The following CTNNA3 variants were observed in gnomAD, a reference collection of about 807,000 sequenced individuals.
CTNNA3 encodes catenin alpha 3.
A neutral mutation model predicts 95.7 loss-of-function variants in CTNNA3; 76 were observed. The observed-to-expected ratio is 0.79, with a 90% confidence interval of 0.66 to 0.96. The LOEUF (loss-of-function observed/expected upper bound fraction) is 0.96, where lower values mean the gene tolerates loss of function less well. Among genes scored for constraint, CTNNA3 ranks in the 40% least tolerant of loss-of-function variants. The probability of loss-of-function intolerance (pLI) is 0.00; values close to 1 mark genes in which losing one functional copy is unlikely to be tolerated. For missense variants in CTNNA3, 1,191 were observed against 1,089.8 expected, an observed-to-expected ratio of 1.09 and a Z score of -1.31; for synonymous variants, 431 against 374.4, an observed-to-expected ratio of 1.15 and a Z score of -1.74.
intron 7 of CTNNA3, among the ~76,000 whole-genome samples, chr10:66,822,512 C>A (rs1376145033): frequency 6.6e-6 from 1 of 152,208 alleles, no homozygotes; most frequent in East Asian, 1.9e-4. Flanking sequence ...CACACCCATT[C>A]TCCTATACAT....
At chr10:66,840,360 TCTCTCTCTCTCTCACACACA>T (rs1458649799) in intron 7 of CTNNA3, among the ~76,000 whole-genome samples, 31 of 118,822 alleles carry the variant, frequency 2.6e-4, no homozygotes, top group African/African-American at 6.5e-4. Context: ...TCTCTCTCTC[TCTCTCTCTCTCTCACACACA>T]CACACACACA....
chr10:66,563,921 C>G (rs1842628120), intron 10 of CTNNA3, among the ~76,000 whole-genome samples: 1 of 152,020 alleles, frequency 6.6e-6, no homozygotes, highest in South Asian at 2.1e-4. Flanking sequence ...TTGAGTTATC[C>G]CGCTTTTCCA....
intron 11 of CTNNA3, among the ~76,000 whole-genome samples, chr10:66,465,128 A>G (rs2441727): frequency 0.21 from 32,256 of 152,024 alleles, 6,533 homozygotes; most frequent in East Asian, 0.84. Context: ...TGCCTGTTAG[A>G]AGCTAACAAA....
intron 2 of CTNNA3, among the ~76,000 whole-genome samples, chr10:67,632,126 C>CCCCACA: frequency 7.2e-6 from 1 of 139,066 alleles, no homozygotes; most frequent in East Asian, 2.2e-4. Context: ...AGTGTCTTAG[C>CCCCACA]CACACACACA....
intron 9 of CTNNA3, among the ~76,000 whole-genome samples, chr10:66,673,315 A>G (rs916378826): frequency 5.3e-5 from 8 of 152,248 alleles, no homozygotes; most frequent in South Asian, 2.1e-4. Flanking sequence ...TAGACATATT[A>G]CATACATTAA....
chr10:66,179,603 CTAAA>C (rs767254160), intron 13 of CTNNA3, among the ~76,000 whole-genome samples: 2 of 151,990 alleles, frequency 1.3e-5, no homozygotes, highest in East Asian at 1.9e-4. Context: ...AGATAAATGG[CTAAA>C]TAAATAATTT....
rs532590391 is a variant in CTNNA3, at chr10:67,750,270, T to C, written c.-2+13164A>G. 272 of 1,512,356 alleles carry C rather than the reference T, an allele frequency of 1.8e-4. 2 individuals are homozygous for C. In the South Asian group the frequency reaches 3.0e-3, roughly 17 times the overall value. The allele number at this position is 1,512,356 out of a possible 1,614,324, so 93.7% of individuals were successfully genotyped here. On this transcript the variant is annotated intron_variant, in intron 1 of 17. Coordinates refer to the CTNNA3 transcript ENST00000684154. ...GACTTCTAGTGCTCACTCAGAATCA[T>C]TTCTGCACCAACCATGGCCATCTTT...
intron 5 of CTNNA3, among the ~76,000 whole-genome samples, chr10:67,304,397 C>T (rs1025554416): frequency 5.3e-5 from 8 of 152,276 alleles, no homozygotes; most frequent in African/African-American, 1.2e-4. Flanking sequence ...TCATCTTTCA[C>T]GACACTGATA....
intron 15 of CTNNA3, among the ~76,000 whole-genome samples, chr10:66,018,503 C>A (rs975232092): frequency 2.0e-5 from 3 of 152,026 alleles, no homozygotes; most frequent in Admixed American, 2.0e-4. Flanking sequence ...ACAATTATGA[C>A]ATCTATTTTA....
chr10:67,134,740 T>G (rs1860210626), intron 7 of CTNNA3, among the ~76,000 whole-genome samples: 1 of 152,184 alleles, frequency 6.6e-6, no homozygotes, highest in Non-Finnish European at 1.5e-5. Context: ...TAAAAGCAAC[T>G]TTAAACTAAG....
intron 7 of CTNNA3, among the ~76,000 whole-genome samples, chr10:67,053,221 A>G (rs1440491785): frequency 2.6e-5 from 4 of 152,214 alleles, no homozygotes. Flanking sequence ...TACAAGCATG[A>G]GAAAATAAGG....
chr10:66,785,278 T>C (rs1039413645), intron 7 of CTNNA3, among the ~76,000 whole-genome samples: 12 of 152,260 alleles, frequency 7.9e-5, no homozygotes, highest in African/African-American at 2.9e-4. Context: ...ATCAACTTGA[T>C]TGGGTTAAAA....
chr10:66,509,250 GTTGT>G (rs545533838), intron 11 of CTNNA3, among the ~76,000 whole-genome samples: 24 of 152,096 alleles, frequency 1.6e-4, no homozygotes, highest in Admixed American at 5.2e-4. Flanking sequence ...TTTCTGTGCT[GTTGT>G]TTGAGTTCAT....
intron 7 of CTNNA3, among the ~76,000 whole-genome samples, chr10:67,048,938 ACTTAGTTATTCCTTAGTTATT>A (rs1270098059): frequency 6.6e-6 from 1 of 151,882 alleles, no homozygotes; most frequent in Non-Finnish European, 1.5e-5. Context: ...TTAATTTTAT[ACTTAGTTATTCCTTAGTTATT>A]CTTAGTTATT....
chr10:66,012,782 T>C (rs1185157650), intron 15 of CTNNA3, among the ~76,000 whole-genome samples: 2 of 152,190 alleles, frequency 1.3e-5, no homozygotes, highest in African/African-American at 4.8e-5. Flanking sequence ...CATAACTCCA[T>C]GGGATAGTTT....
At chr10:67,244,405 A>T (rs1865831319) in intron 5 of CTNNA3, among the ~76,000 whole-genome samples, 1 of 152,250 alleles carries the variant, frequency 6.6e-6, no homozygotes, top group Non-Finnish European at 1.5e-5. Flanking sequence ...AAGTTAAATT[A>T]GTGCTCCCTA....
chr10:67,690,069 T>C (rs1174683985), intron 1 of CTNNA3, among the ~76,000 whole-genome samples: 2 of 152,104 alleles, frequency 1.3e-5, no homozygotes, highest in African/African-American at 4.8e-5. Context: ...TTAAAGATGG[T>C]GTGTCTGGAG....
At chr10:66,817,418 T>G (rs1379197958) in intron 7 of CTNNA3, among the ~76,000 whole-genome samples, 1 of 151,960 alleles carries the variant, frequency 6.6e-6, no homozygotes, top group Non-Finnish European at 1.5e-5. Flanking sequence ...AATTTCTAGT[T>G]AGACTGGCCA....
intron 8 of CTNNA3, among the ~76,000 whole-genome samples, chr10:66,767,452 C>CAA (rs1564669344): frequency 8.6e-5 from 4 of 46,476 alleles, no homozygotes; most frequent in African/African-American, 4.5e-4. Flanking sequence ...TCCACTCCCC[C>CAA]CGACAAAAAA....
Sources: gnomAD v4.1 joint callset for allele counts (sites outside exome capture counted in the v4.1 genomes callset) on GRCh38, gnomAD v4.1.1 for gene constraint, MANE v1.5 for transcripts, NCBI Gene and HGNC (gene_info 2026-07-23, HGNC 2026-07-21) for gene names.